SIK2: variants seen among roughly 807,000 people sequenced by gnomAD.
SIK2 encodes salt inducible kinase 2.
A neutral mutation model predicts 103.2 loss-of-function variants in SIK2; 29 were observed. That is an observed-to-expected ratio of 0.28 (90% confidence interval 0.21 to 0.38). The LOEUF (loss-of-function observed/expected upper bound fraction) is 0.38. SIK2 is among the 10% of genes least tolerant of loss of function. The pLI, the probability that SIK2 is intolerant of heterozygous loss-of-function variation, is 1.00. For synonymous variants in SIK2, 412 were observed against 446.1 expected, an observed-to-expected ratio of 0.92 and a Z score of 0.96; for missense variants, 879 against 1,171.0, an observed-to-expected ratio of 0.75 and a Z score of 3.64.
intron 4 of SIK2, among the ~76,000 whole-genome samples, chr11:111,691,323 T>G (rs1291015145): frequency 1.3e-5 from 2 of 152,228 alleles, no homozygotes; most frequent in African/African-American, 4.8e-5. Context: ...ATGACTCACA[T>G]TTAATTGGGC....
chr11:111,624,150 A>G (rs1941930336), intron 3 of SIK2, among the ~76,000 whole-genome samples: 1 of 152,228 alleles, frequency 6.6e-6, no homozygotes, highest in Admixed American at 6.5e-5. Flanking sequence ...CAAATGTGTT[A>G]TTAATTTAAG....
At chr11:111,672,205 C>A (rs549988559) in intron 3 of SIK2, 12 of 400,324 alleles carry the variant, frequency 3.0e-5, no homozygotes, top group Non-Finnish European at 5.2e-5. Flanking sequence ...GATGCCCCCC[C>A]ATACCACTGG....
At chr11:111,623,458 T>C (rs915623716) in intron 3 of SIK2, among the ~76,000 whole-genome samples, 6 of 152,250 alleles carry the variant, frequency 3.9e-5, no homozygotes, top group Non-Finnish European at 7.3e-5. Flanking sequence ...CAATTTTACC[T>C]TGAGCACCAC....
chr11:111,704,222 C>A (rs969888133), intron 7 of SIK2, among the ~76,000 whole-genome samples: 1 of 152,152 alleles, frequency 6.6e-6, no homozygotes, highest in South Asian at 2.1e-4. Context: ...GCATCCTGAG[C>A]AGTAGCTGGG....
intron 3 of SIK2, among the ~76,000 whole-genome samples, chr11:111,681,281 T>C (rs1428683092): frequency 6.6e-6 from 1 of 152,238 alleles, no homozygotes; most frequent in Non-Finnish European, 1.5e-5. Context: ...TCATTTTTAT[T>C]AGACTTTCAG....
intron 3 of SIK2, among the ~76,000 whole-genome samples, chr11:111,644,013 C>A (rs1465029164): frequency 6.6e-6 from 1 of 151,306 alleles, no homozygotes; most frequent in Non-Finnish European, 1.5e-5. Flanking sequence ...AGAGGCCAGG[C>A]GTGGTGGCTA....
At position 111,695,585 on chromosome 11, in the gene SIK2, G is replaced by C. The variant is rs555603426; in HGVS notation, c.479-5301G>C. On this transcript the variant is annotated intron_variant, in intron 4 of 14. Coordinates refer to ENST00000304987, the MANE Select transcript of SIK2 (RefSeq NM_015191.3). ...CCGCCTCTGTTTTATTCTGTTTTCT[G>C]GCTAGTCAAAAAGTGGTCTGGAGAC... Among the ~76,000 whole-genome samples the C allele has an allele frequency of 1.1e-3, 174 of 152,182 alleles. 1 individual carries two copies. Among genetic ancestry groups the C allele is most frequent in the African/African-American group, 4.0e-3 (168 of 41,508 alleles).
At chr11:111,605,518 ATTATAC>A (rs1385458823) in intron 1 of SIK2, among the ~76,000 whole-genome samples, 5 of 152,344 alleles carry the variant, frequency 3.3e-5, no homozygotes, top group African/African-American at 1.2e-4. Flanking sequence ...AAATATCACA[ATTATAC>A]TTATTGACGA....
At chr11:111,620,482 C>A in intron 3 of SIK2, 80 bp downstream of exon 3, 1 of 913,374 alleles carries the variant, frequency 1.1e-6, no homozygotes. Flanking sequence ...TGTTAATTTT[C>A]TGCTTATTTA....
chr11:111,728,257 T>G lies in SIK2; in HGVS notation c.*4128T>G, dbSNP rs1944041405. 6.6e-6 allele frequency: 1 copy of G among 151,264 alleles called. No individual in the cohort carries two copies. The highest frequency in any genetic ancestry group is 2.4e-5 in the African/African-American group (1 of 41,124). The allele number at this position is 151,264 out of a possible 1,614,324, so 9.4% of individuals were successfully genotyped here. A position where few individuals can be genotyped will look rare whatever the true frequency, so the allele number is the denominator to read the frequency against. ...GTTGGAGTCATTGTACAGGCAGGGA[T>G]CTTTGATCATTTTGTTGCTTCTGGA... On this transcript the variant is annotated 3_prime_UTR_variant, in exon 15 of 15. Coordinates refer to ENST00000304987, the MANE Select transcript of SIK2 (RefSeq NM_015191.3).
At chr11:111,717,715 G>A (rs896257286) in intron 9 of SIK2, among the ~76,000 whole-genome samples, 1 of 152,148 alleles carries the variant, frequency 6.6e-6, no homozygotes, top group Admixed American at 6.5e-5. Context: ...GTGATAGACT[G>A]GATAAAGAAA....
chr11:111,641,210 A>C (rs548366735), intron 3 of SIK2, among the ~76,000 whole-genome samples: 18 of 151,808 alleles, frequency 1.2e-4, no homozygotes, highest in African/African-American at 4.1e-4. Flanking sequence ...AGTTCTATGC[A>C]TTCCCTCACT....
intron 1 of SIK2, among the ~76,000 whole-genome samples, chr11:111,609,006 TC>T (rs1312829679): frequency 1.3e-5 from 2 of 151,978 alleles, no homozygotes; most frequent in Admixed American, 1.3e-4. Flanking sequence ...TAAATTTTTT[TC>T]TATTTTTATT....
At chr11:111,652,629 G>C (rs375063904) in intron 3 of SIK2, among the ~76,000 whole-genome samples, 1 of 152,088 alleles carries the variant, frequency 6.6e-6, no homozygotes, top group Non-Finnish European at 1.5e-5. Flanking sequence ...ATTAGAAAAG[G>C]TGCTTTTGAA....
At chr11:111,683,642 G>A (rs983355240) in intron 3 of SIK2, among the ~76,000 whole-genome samples, 3 of 151,904 alleles carry the variant, frequency 2.0e-5, no homozygotes, top group Admixed American at 2.0e-4. Flanking sequence ...AGTTGAGATG[G>A]GGTTTCGCCA....
Position 111,703,344 on chromosome 11 carries a change from A to G in SIK2, c.869A>G (p.Glu290Gly), listed in dbSNP as rs765969608. Residue 290 changes from glutamate to glycine, a missense_variant, in exon 7 of 15, where the codon GAG (glutamate) becomes GGG (glycine). Coordinates refer to ENST00000304987, the MANE Select transcript of SIK2 (RefSeq NM_015191.3). ...PVLYPQEQEN[E>G]PSIGEFNEQV... ...CTCTATCCACAAGAGCAAGAAAATG[A>G]GCCATCCATCGGGGAGTTTAATGAG... is the stretch of plus-strand genomic sequence containing the variant. 6.2e-7 allele frequency: 1 copy of G among 1,614,166 alleles called. No individual in the cohort carries two copies. The highest frequency in any genetic ancestry group is 8.5e-7 in the Non-Finnish European group (1 of 1,180,000).
Position 111,667,658 on chromosome 11 carries a change from T to C in SIK2, c.317-20343T>C, listed in dbSNP as rs117876836. Among the ~76,000 whole-genome samples, 1,011 of 151,570 alleles carry C rather than the reference T, an allele frequency of 6.7e-3. 8 individuals are homozygous for C. The highest frequency in any genetic ancestry group is 0.061 in the Middle Eastern group (18 of 294). ...AGGCATGTGCCCACCACGTCCGGCT[T>C]GTTTTTGTATTTTTAGTAGAGATGA... On this transcript the variant is annotated intron_variant, in intron 3 of 14. Coordinates refer to ENST00000304987, the MANE Select transcript of SIK2 (RefSeq NM_015191.3).
At chr11:111,668,177 G>GGGGTGTGTGT (rs72041846) in intron 3 of SIK2, among the ~76,000 whole-genome samples, 116 of 129,926 alleles carry the variant, frequency 8.9e-4, no homozygotes, top group East Asian at 1.6e-3. Context: ...ACTAAAGTAA[G>GGGGTGTGTGT]GAGTGTGTGT....
intron 3 of SIK2, among the ~76,000 whole-genome samples, chr11:111,662,308 C>T (rs1472719938): frequency 1.3e-5 from 2 of 152,176 alleles, no homozygotes; most frequent in Admixed American, 6.5e-5. Context: ...AACTATATGA[C>T]AAGCATTGTT....
Sources: gnomAD v4.1 joint callset for allele counts (sites outside exome capture counted in the v4.1 genomes callset) on GRCh38, gnomAD v4.1.1 for gene constraint, MANE v1.5 for transcripts, NCBI Gene and HGNC (gene_info 2026-07-23, HGNC 2026-07-21) for gene names.